The following SNX29 variants were observed in gnomAD, a reference collection of about 807,000 sequenced individuals.
SNX29 encodes sorting nexin 29.
SNX29 carries 78 observed loss-of-function variants against 102.1 expected under a neutral mutation model. That is an observed-to-expected ratio of 0.76 (90% CI 0.64 to 0.92). The LOEUF (loss-of-function observed/expected upper bound fraction) is 0.92, where lower values mean the gene tolerates loss of function less well. Ranked by LOEUF, SNX29 falls within the 40% of genes least tolerant of loss-of-function variation. The pLI is 0.00. For synonymous variants in SNX29, 580 were observed against 414.5 expected (o/e 1.40, Z -4.85); for missense variants, 1,280 against 1,061.7 (o/e 1.21, Z -2.86).
intron 15 of SNX29, among the ~76,000 whole-genome samples, chr16:12,323,296 G>A (rs1020438457): frequency 6.6e-6 from 1 of 151,878 alleles, no homozygotes; most frequent in Admixed American, 6.6e-5. Flanking sequence ...TCGTTACTTT[G>A]AGTCATTCCT....
intron 15 of SNX29, among the ~76,000 whole-genome samples, chr16:12,287,480 C>A (rs913907835): frequency 6.6e-6 from 1 of 152,162 alleles, no homozygotes; most frequent in African/African-American, 2.4e-5. Flanking sequence ...CTTGTCCAGT[C>A]TTGTTTCATC....
intron 11 of SNX29, among the ~76,000 whole-genome samples, chr16:12,085,693 T>C (rs1334313888): frequency 6.8e-6 from 1 of 147,350 alleles, no homozygotes; most frequent in African/African-American, 2.5e-5. Context: ...TAATAATCTA[T>C]CAAAATAGAA....
chr16:12,165,074 G>T (rs1336349773), intron 13 of SNX29, among the ~76,000 whole-genome samples: 1 of 152,190 alleles, frequency 6.6e-6, no homozygotes, highest in African/African-American at 2.4e-5. Context: ...AGTTTGTCGT[G>T]TTCGGCCTTT....
chr16:12,163,978 A>G (rs1035465414), intron 13 of SNX29, among the ~76,000 whole-genome samples: 11 of 152,216 alleles, frequency 7.2e-5, no homozygotes, highest in Non-Finnish European at 1.6e-4. Flanking sequence ...TACAGCTCTC[A>G]AGAAGACAGT....
At chr16:12,551,860 C>T (rs979391682) in intron 20 of SNX29, among the ~76,000 whole-genome samples, 7 of 152,144 alleles carry the variant, frequency 4.6e-5, no homozygotes, top group African/African-American at 1.7e-4. Context: ...CAGGAGCAGG[C>T]AGGTGATATT....
chr16:12,021,331 C>T (rs1427243721), intron 3 of SNX29, among the ~76,000 whole-genome samples: 1 of 151,920 alleles, frequency 6.6e-6, no homozygotes, highest in Non-Finnish European at 1.5e-5. Context: ...GAGGCTGAGG[C>T]AGGACAATTG....
chr16:12,222,290 A>G (rs2077498353), intron 14 of SNX29, among the ~76,000 whole-genome samples: 1 of 152,156 alleles, frequency 6.6e-6, no homozygotes, highest in Non-Finnish European at 1.5e-5. Flanking sequence ...AGTGGGAGAA[A>G]TGGTTGATCT....
rs976115441 is a variant in SNX29 at position 12,569,196 on chromosome 16, G to C, written c.*567G>C. 4.7e-6 allele frequency: 1 copy of C among 214,204 alleles called. No individual in the cohort carries two copies. The highest frequency in any genetic ancestry group is 9.2e-6 in the Non-Finnish European group (1 of 108,316). 13.3% of individuals were successfully genotyped at this position (214,204 alleles called of 1,614,324 possible). ...CAACAGTCATTAGACACCTGGCACTGTCACAGCTCACTTTTCCAGAGGGAT... is the reference window on the plus strand; with the variant it reads ...CAACAGTCATTAGACACCTGGCACTCTCACAGCTCACTTTTCCAGAGGGAT... On this transcript the variant is annotated 3_prime_UTR_variant, in exon 21 of 21. Transcript: ENST00000566228.
intron 16 of SNX29, among the ~76,000 whole-genome samples, chr16:12,394,974 C>T (rs1486117859): frequency 1.3e-5 from 2 of 152,136 alleles, no homozygotes; most frequent in Admixed American, 1.3e-4. Context: ...GCTCCAATGA[C>T]AGAAGGGTTC....
intron 20 of SNX29, among the ~76,000 whole-genome samples, chr16:12,554,805 T>C (rs2078222916): frequency 6.6e-6 from 1 of 152,102 alleles, no homozygotes; most frequent in Admixed American, 6.5e-5. Flanking sequence ...TTCTAGAAAT[T>C]TGTATTGAGC....
intron 20 of SNX29, among the ~76,000 whole-genome samples, chr16:12,545,239 G>T (rs62026959): frequency 6.6e-6 from 1 of 152,220 alleles, no homozygotes; most frequent in African/African-American, 2.4e-5. Context: ...AAGGGCCTCT[G>T]TTCTCAAGTG....
At chr16:11,994,117 G>A (rs1371668148) in intron 1 of SNX29, among the ~76,000 whole-genome samples, 10 of 152,198 alleles carry the variant, frequency 6.6e-5, no homozygotes, top group East Asian at 5.8e-4. Flanking sequence ...GCAAGACTCC[G>A]TCTACAAACA....
intron 18 of SNX29, among the ~76,000 whole-genome samples, chr16:12,457,510 T>G (rs1318200529): frequency 2.0e-5 from 3 of 152,158 alleles, no homozygotes; most frequent in Non-Finnish European, 4.4e-5. Flanking sequence ...GAGCCTGAGC[T>G]CTTTCTCTAC....
At chr16:12,356,710 C>T (rs972005830) in intron 16 of SNX29, among the ~76,000 whole-genome samples, 4 of 152,176 alleles carry the variant, frequency 2.6e-5, no homozygotes, top group Admixed American at 6.5e-5. Flanking sequence ...GAGGAGTAAT[C>T]CACGTACATC....
chr16:12,516,975 C>G (rs1013205986), intron 19 of SNX29, among the ~76,000 whole-genome samples: 1 of 152,146 alleles, frequency 6.6e-6, no homozygotes, highest in Non-Finnish European at 1.5e-5. Context: ...TCTTGAAGCT[C>G]AAAATAAAAT....
chr16:12,264,630 A>C (rs1354497335), intron 14 of SNX29, among the ~76,000 whole-genome samples: 2 of 152,116 alleles, frequency 1.3e-5, no homozygotes, highest in Non-Finnish European at 2.9e-5. Context: ...GAAAATACAA[A>C]AATTAGCCGG....
chr16:12,477,614 A>G, intron 18 of SNX29, 105 bp from the exon 19 acceptor site: 3 of 1,352,078 alleles, frequency 2.2e-6, no homozygotes, highest in South Asian at 1.3e-5. Flanking sequence ...TGTGACACAG[A>G]TGTGACTCTT....
intron 18 of SNX29, among the ~76,000 whole-genome samples, chr16:12,413,511 G>T (rs953067545): frequency 6.6e-6 from 1 of 152,054 alleles, no homozygotes; most frequent in South Asian, 2.1e-4. Context: ...GGAGACAGCA[G>T]GAAGGATACT....
intron 16 of SNX29, among the ~76,000 whole-genome samples, chr16:12,370,408 A>C (rs987814373): frequency 7.2e-5 from 11 of 152,080 alleles, no homozygotes; most frequent in African/African-American, 2.7e-4. Context: ...AAAAATACAA[A>C]AATTAGCTGG....
Sources: allele counts gnomAD v4.1 joint callset (sites outside exome capture counted in the v4.1 genomes callset), GRCh38; gene constraint gnomAD v4.1.1; transcripts MANE v1.5; gene names NCBI Gene and HGNC (gene_info 2026-07-23, HGNC 2026-07-21).